The following AGAP6 variants were observed in gnomAD, a reference collection of about 807,000 sequenced individuals.
The protein encoded by AGAP6 is arf-GAP with GTPase, ANK repeat and PH domain-containing protein 6.
AGAP6 carries 29 observed loss-of-function variants against 63.9 expected under a neutral mutation model. The ratio of observed to expected loss-of-function variants is 0.45; its 90% CI spans 0.34 to 0.62. AGAP6 has a LOEUF of 0.62. Ranked by LOEUF, AGAP6 falls within the 20% of genes least tolerant of loss-of-function variation. The pLI is 0.01. For missense variants in AGAP6, 493 were observed against 884.9 expected (o/e 0.56, Z 5.62); for synonymous variants, 199 against 332.9 (o/e 0.60, Z 4.38).
chr10:49,996,500 C>T (rs1296079191), intron 4 of AGAP6, among the ~76,000 whole-genome samples: 2 of 151,600 alleles, frequency 1.3e-5, no homozygotes, highest in African/African-American at 2.4e-5. Context: ...AAGGATCTCC[C>T]AATTTTCTGC....
At chr10:50,001,390 GA>G (rs1414429469) in intron 4 of AGAP6, among the ~76,000 whole-genome samples, 3 of 129,318 alleles carry the variant, frequency 2.3e-5, no homozygotes, top group South Asian at 2.6e-4. Flanking sequence ...TATTGCTGCA[GA>G]AAAAAAATGA....
At chr10:50,000,011 G>A (rs1339511791) in intron 4 of AGAP6, among the ~76,000 whole-genome samples, 2 of 133,472 alleles carry the variant, frequency 1.5e-5, no homozygotes, top group Non-Finnish European at 1.6e-5. Context: ...AAGTCAGTGC[G>A]TGGGCATCCG....
intron 3 of AGAP6, among the ~76,000 whole-genome samples, chr10:49,993,712 C>T (rs1417231651): frequency 2.7e-5 from 4 of 150,910 alleles, no homozygotes; most frequent in Admixed American, 6.6e-5. Flanking sequence ...CCCAGCTAAT[C>T]AGGAGGCTAA....
intron 4 of AGAP6, among the ~76,000 whole-genome samples, chr10:49,994,961 CAAAA>C (rs536082046): frequency 6.3e-5 from 4 of 63,194 alleles, no homozygotes; most frequent in Non-Finnish European, 1.2e-4. Context: ...AACTCTGTCT[CAAAA>C]AAAAAAAAAA....
At chr10:49,997,585 C>G (rs539800053) in intron 4 of AGAP6, among the ~76,000 whole-genome samples, 2 of 151,922 alleles carry the variant, frequency 1.3e-5, no homozygotes, top group Admixed American at 1.3e-4. Context: ...GAACTTTAGT[C>G]TTTGTTTTAT....
In AGAP6 at chr10:50,009,812, A is replaced by G; in HGVS notation, c.1687A>G (p.Lys563Glu). The change falls in exon 8 of 8, where the codon AAG becomes GAG. Residue 563 changes from lysine (K) to glutamate (E), a missense_variant. Lys to Glu is a moderately conservative substitution (Grantham distance 56). This residue lies in a region of AGAP6 where 87 missense variants were observed against 92.9 expected (regional missense o/e 0.94). Transcript: ENST00000412531. ...KPSEKSTREE[K>E]ERWIRSKYEE... ...CTCAGAAAAGTCCACGAGGGAAGAGAAGGAACGGTGGATCCGTTCCAAATA... is the reference window on the plus strand; with the variant it reads ...CTCAGAAAAGTCCACGAGGGAAGAGGAGGAACGGTGGATCCGTTCCAAATA... The G allele has an allele frequency of 6.2e-7, 1 of 1,613,164 alleles. No individual in the cohort carries two copies. Among genetic ancestry groups the G allele is most frequent in the Non-Finnish European group, 8.5e-7 (1 of 1,179,892 alleles).
intron 3 of AGAP6, among the ~76,000 whole-genome samples, chr10:49,992,579 G>A (rs1841323216): frequency 6.6e-6 from 1 of 152,144 alleles, no homozygotes. Flanking sequence ...TTAAGGCTGG[G>A]TAATTTATAA....
rs781844889 is a variant in AGAP6, at chr10:49,989,300, A to G, written c.224-8A>G. 1.3e-6 allele frequency: 2 copies of G among 1,597,374 alleles called. No homozygotes were observed. The highest frequency in any genetic ancestry group is 3.3e-5 in the Admixed American group (2 of 59,994). Reference sequence around the variant, plus strand: ...CATCCTTTTTCTTTTCTCCCTCTATACATATAGCTTTGGAGTTTAACCTTT... The same window carrying G: ...CATCCTTTTTCTTTTCTCCCTCTATGCATATAGCTTTGGAGTTTAACCTTT... On this transcript the variant is annotated splice_polypyrimidine_tract_variant and splice_region_variant and intron_variant, in intron 1 of 7. Transcript: ENST00000412531.
At chr10:50,007,933 C>T in intron 6 of AGAP6, 92 bp from the exon 7 acceptor site, 3 of 1,603,170 alleles carry the variant, frequency 1.9e-6, no homozygotes, top group South Asian at 1.1e-5. Flanking sequence ...GTAAAGTAAA[C>T]ACCAAAGCAC....
At chr10:49,996,136 C>G (rs797026392) in intron 4 of AGAP6, among the ~76,000 whole-genome samples, 1 of 152,004 alleles carries the variant, frequency 6.6e-6, no homozygotes, top group Admixed American at 6.6e-5. Context: ...AATTTTTCCC[C>G]TTCTATTTTT....
chr10:50,007,167 G>A (rs1385072497), intron 6 of AGAP6, among the ~76,000 whole-genome samples: 3 of 152,124 alleles, frequency 2.0e-5, no homozygotes, highest in East Asian at 1.9e-4. Context: ...TGAGGCAAGC[G>A]GATTACCTGA....
intron 4 of AGAP6, among the ~76,000 whole-genome samples, chr10:50,001,420 T>C (rs1230074405): frequency 4.5e-5 from 1 of 22,166 alleles, no homozygotes; most frequent in African/African-American, 6.1e-5. Flanking sequence ...TTTAAACTTT[T>C]CTTTTTTTTT....
rs568979017 is a variant in AGAP6 at position 50,008,852 on chromosome 10, G to A, written c.727G>A (p.Val243Ile). ...TCCCACTGCCAACACACCCACGCCC[G>A]TTTGCAAGCGGTCCATGCGCTGGTC... ...VPPTANTPTP[V>I]CKRSMRWSNL... Residue 243 changes from valine to isoleucine, a missense_variant, in exon 8 of 8, where the codon GTT becomes ATT. Around this residue, in one of 7 missense-constraint regions of AGAP6, gnomAD observed 342 missense variants for 533.4 expected, o/e 0.64. Transcript: ENST00000412531. The A allele has an allele frequency of 1.7e-5, 27 of 1,613,894 alleles. No homozygotes were observed. The highest frequency in any genetic ancestry group is 1.3e-4 in the Admixed American group (8 of 59,968).
chr10:49,996,814 AGTTCT>A (rs2132132987), intron 4 of AGAP6, among the ~76,000 whole-genome samples: 1 of 147,376 alleles, frequency 6.8e-6, no homozygotes, highest in South Asian at 2.1e-4. Flanking sequence ...ACCTGCCTTT[AGTTCT>A]GCAAGACAAA....
In AGAP6 at chr10:49,989,335, C is replaced by T. The variant is rs1358932677; in HGVS notation, c.251C>T (p.Pro84Leu). ...EALEFNLSAN[P>L]ESSTIFQRNS... ...TTGGAGTTTAACCTTTCTGCCAATCCAGAGTCAAGCACAATATTCCAGAGG... is the reference window on the plus strand; with the variant it reads ...TTGGAGTTTAACCTTTCTGCCAATCTAGAGTCAAGCACAATATTCCAGAGG... Residue 84 changes from proline to leucine, a missense_variant, in exon 2 of 8, where the codon CCA becomes CTA. By Grantham distance (98) the Pro-to-Leu change is moderately conservative. This residue lies in a region of AGAP6 where 342 missense variants were observed against 533.4 expected (regional missense o/e 0.64). Transcript: ENST00000412531. 6.3e-7 allele frequency: 1 copy of T among 1,597,302 alleles called. No individual in the cohort carries two copies. The highest frequency in any genetic ancestry group is 8.5e-7 in the Non-Finnish European group (1 of 1,179,764).
In AGAP6 at chr10:50,009,523, C is replaced by G. The variant is rs1406553931; in HGVS notation, c.1398C>G (p.Ala466=). The part of the protein sequence containing the change: ...SQLTSQSEAM[A]LQSIQNMRGN... ...TGACCAGCCAGAGCGAGGCCATGGC[C>G]CTGCAGTCGATCCAAAACATGCGTG... Residue 466 remains alanine, a synonymous_variant, in exon 8 of 8, where the codon GCC becomes GCG. Coordinates refer to ENST00000412531, the MANE Select transcript of AGAP6 (RefSeq NM_001077665.3). 1 of 1,613,326 alleles carries G rather than the reference C, an allele frequency of 6.2e-7. No individual in the cohort carries two copies. The highest frequency in any genetic ancestry group is 1.3e-5 in the African/African-American group (1 of 74,924).
rs4381322 is a variant in AGAP6, at chr10:49,998,692, A to G, written c.397-3304A>G. 2.4e-4 allele frequency among the ~76,000 whole-genome samples: 34 copies of G among 142,080 alleles called. 2 individuals are homozygous for G. The highest frequency in any genetic ancestry group is 7.5e-4 in the African/African-American group (28 of 37,394). The allele number at this position is 142,080 out of a possible 152,430, so 93.2% of individuals were successfully genotyped here. ...GTTTTTTCTTAGTTTTGTTTTGGCT[A>G]TGCCGGTTCTTGTTTGGTCCATATA... On this transcript the variant is annotated intron_variant, in intron 4 of 7. Coordinates refer to ENST00000412531, the MANE Select transcript of AGAP6 (RefSeq NM_001077665.3).
intron 3 of AGAP6, among the ~76,000 whole-genome samples, chr10:49,993,575 T>C (rs1225866083): frequency 6.6e-6 from 1 of 152,166 alleles, no homozygotes; most frequent in Non-Finnish European, 1.5e-5. Context: ...CCCAGCTCTT[T>C]GGGAGACTGA....
rs1193346957 is a variant in AGAP6 at position 49,991,666 on chromosome 10, G to A, written c.293-10G>A. On this transcript the variant is annotated splice_polypyrimidine_tract_variant and intron_variant, in intron 2 of 7. Transcript: ENST00000412531. ...ACATCTTTTTTTCTTTTCTTCCTCT[G>A]TGCATATAGCTTTGGAGTTTAACCC... is the stretch of plus-strand genomic sequence containing the variant. 7.1e-5 allele frequency: 113 copies of A among 1,596,852 alleles called. 1 individual carries two copies. The South Asian group carries it at 1.1e-3, about 15-fold the overall frequency.
Sources: gnomAD v4.1 joint callset for allele counts (sites outside exome capture counted in the v4.1 genomes callset) on GRCh38, gnomAD v4.1.1 for gene constraint, gnomAD v4.1.1 regional missense constraint, MANE v1.5 for transcripts, NCBI Gene and HGNC (gene_info 2026-07-23, HGNC 2026-07-21) for gene names.